The following AKT3 variants were observed in gnomAD, a reference collection of about 807,000 sequenced individuals.
The protein encoded by AKT3 is RAC-gamma serine/threonine-protein kinase.
A neutral mutation model predicts 65.3 loss-of-function variants in AKT3; 15 were observed. The observed-to-expected ratio is 0.23, with a 90% CI of 0.15 to 0.35. The LOEUF (loss-of-function observed/expected upper bound fraction) is 0.35. Among genes scored for constraint, AKT3 ranks in the 10% least tolerant of loss-of-function variants. The probability of loss-of-function intolerance (pLI) is 1.00; values close to 1 mark genes in which losing one functional copy is unlikely to be tolerated. For synonymous variants in AKT3, 206 were observed against 183.8 expected, an observed-to-expected ratio of 1.12 and a Z score of -0.98; for missense variants, 243 against 576.5, an observed-to-expected ratio of 0.42 and a Z score of 5.92.
chr1:243,744,634 G>A (rs1324418256), intron 2 of AKT3, among the ~76,000 whole-genome samples: 1 of 150,932 alleles, frequency 6.6e-6, no homozygotes, highest in African/African-American at 2.4e-5. Flanking sequence ...AGCTACTTGG[G>A]AGGCTGAGGC....
At chr1:243,491,700 C>T (rs1053690806) in intron 13 of AKT3, among the ~76,000 whole-genome samples, 28 of 152,216 alleles carry the variant, frequency 1.8e-4, no homozygotes, top group African/African-American at 4.3e-4. Flanking sequence ...ATGATGTGGG[C>T]GAGGCTGCTG....
In AKT3 at chr1:243,825,126, A is replaced by G. The variant is rs544183491; in HGVS notation, c.46+17999T>C. Among the ~76,000 whole-genome samples the G allele has an allele frequency of 2.0e-5, 3 of 152,342 alleles. No homozygotes were observed. The South Asian group carries it at 6.2e-4, about 32-fold the overall frequency. On this transcript the variant is annotated intron_variant, in intron 2 of 13. Coordinates refer to ENST00000673466, the MANE Select transcript of AKT3 (RefSeq NM_005465.7). The stretch of plus-strand genomic sequence containing the variant: ...AGGAGCATGGATGGAGCTGGAAGCC[A>G]TTATCCTCAGCAAACTAACACAGGA...
chr1:243,731,075 AG>A (rs1687531832), intron 2 of AKT3, among the ~76,000 whole-genome samples: 1 of 152,224 alleles, frequency 6.6e-6, no homozygotes. Context: ...AAACTCAAGC[AG>A]GGGCGCCACA....
intron 9 of AKT3, among the ~76,000 whole-genome samples, chr1:243,572,454 G>GA (rs1212559996): frequency 1.3e-5 from 2 of 151,880 alleles, no homozygotes; most frequent in African/African-American, 4.8e-5. Flanking sequence ...ATTACCAACA[G>GA]AAAAAATAGA....
intron 2 of AKT3, among the ~76,000 whole-genome samples, chr1:243,828,872 G>GT (rs1249016371): frequency 6.6e-6 from 1 of 152,124 alleles, no homozygotes; most frequent in East Asian, 1.9e-4. Flanking sequence ...TGGACAAGAA[G>GT]TAAGAATAGA....
At chr1:243,635,376 G>GA (rs1397877562) in intron 6 of AKT3, among the ~76,000 whole-genome samples, 6 of 150,188 alleles carry the variant, frequency 4.0e-5, no homozygotes, top group Non-Finnish European at 8.9e-5. Flanking sequence ...AAGGAACTAG[G>GA]AAAAAAATAA....
chr1:243,526,286 C>G (rs1574537859), intron 12 of AKT3, among the ~76,000 whole-genome samples: 1 of 152,106 alleles, frequency 6.6e-6, no homozygotes, highest in African/African-American at 2.4e-5. Flanking sequence ...ACCGCCTGAC[C>G]TTGCTGGTGT....
At chr1:243,641,263 T>TATATATAC in intron 5 of AKT3, among the ~76,000 whole-genome samples, 1 of 147,372 alleles carries the variant, frequency 6.8e-6, no homozygotes, top group African/African-American at 2.5e-5. Context: ...TGTGTGTATA[T>TATATATAC]ATATATATAT....
chr1:243,669,406 A>G (rs988238242), intron 3 of AKT3, among the ~76,000 whole-genome samples: 1 of 152,178 alleles, frequency 6.6e-6, no homozygotes, highest in Non-Finnish European at 1.5e-5. Context: ...GAAGCAAAGA[A>G]AGAATGCCCG....
At chr1:243,631,901 A>G (rs1679638736) in intron 6 of AKT3, among the ~76,000 whole-genome samples, 1 of 152,212 alleles carries the variant, frequency 6.6e-6, no homozygotes, top group Non-Finnish European at 1.5e-5. Flanking sequence ...GCCTGATAAA[A>G]TTTAGTCCTA....
At chr1:243,798,236 G>C (rs1011266103) in intron 2 of AKT3, among the ~76,000 whole-genome samples, 10 of 119,668 alleles carry the variant, frequency 8.4e-5, no homozygotes, top group Admixed American at 1.0e-4. Flanking sequence ...TTAAGACAGG[G>C]TCTCACTGTG....
At chr1:243,745,316 G>A (rs1396909180) in intron 2 of AKT3, among the ~76,000 whole-genome samples, 2 of 152,046 alleles carry the variant, frequency 1.3e-5, no homozygotes, top group East Asian at 1.9e-4. Flanking sequence ...CTCCAGCCTG[G>A]GCAACAGAGG....
At chr1:243,658,082 G>T (rs1681960143) in intron 4 of AKT3, among the ~76,000 whole-genome samples, 1 of 152,108 alleles carries the variant, frequency 6.6e-6, no homozygotes, top group Non-Finnish European at 1.5e-5. Context: ...ATTTCTTGAT[G>T]CTGACAAAAG....
intron 2 of AKT3, among the ~76,000 whole-genome samples, chr1:243,766,163 T>C (rs1052430585): frequency 6.6e-6 from 1 of 152,124 alleles, no homozygotes; most frequent in Non-Finnish European, 1.5e-5. Context: ...TGGTAGCAAA[T>C]AGAGCAAAGG....
chr1:243,596,335 G>A (rs943644339), intron 8 of AKT3, among the ~76,000 whole-genome samples: 2 of 152,164 alleles, frequency 1.3e-5, no homozygotes, highest in Admixed American at 6.5e-5. Flanking sequence ...GAAACCATTT[G>A]TAATACAAAT....
Position 243,491,124 on chromosome 1 carries a change from C to T in AKT3, c.*7-2674G>A, listed in dbSNP as rs1254647978. Among the ~76,000 whole-genome samples the T allele has an allele frequency of 5.9e-5, 9 of 152,234 alleles. No homozygotes were observed. In the South Asian group the frequency reaches 8.3e-4, roughly 14 times the overall value. On this transcript the variant is annotated intron_variant, in intron 13 of 13. Coordinates refer to the AKT3 transcript ENST00000336199. ...TGGGCTCTGGACTAGATCAGGAGAA[C>T]GTGGGCTTTGCCTTTTAACTCCCCA...
intron 12 of AKT3, among the ~76,000 whole-genome samples, chr1:243,527,936 C>CACAG (rs1671266313): frequency 1.6e-4 from 6 of 38,272 alleles, no homozygotes; most frequent in African/African-American, 3.9e-4. Flanking sequence ...CACACACACA[C>CACAG]AGAGAGAGAG....
intron 6 of AKT3, among the ~76,000 whole-genome samples, chr1:243,615,444 A>G (rs1458243328): frequency 6.6e-6 from 1 of 152,210 alleles, no homozygotes; most frequent in Non-Finnish European, 1.5e-5. Context: ...ATTATCAGGG[A>G]CACAGAAAAT....
At chr1:243,725,923 T>C (rs1290222581) in intron 2 of AKT3, among the ~76,000 whole-genome samples, 44 of 152,242 alleles carry the variant, frequency 2.9e-4, no homozygotes, top group Admixed American at 2.9e-3. Context: ...AAGGTGTTTA[T>C]ACACATTCAC....
Sources: allele counts gnomAD v4.1 joint callset (sites outside exome capture counted in the v4.1 genomes callset), GRCh38; gene constraint gnomAD v4.1.1; transcripts MANE v1.5; gene names NCBI Gene and HGNC (gene_info 2026-07-23, HGNC 2026-07-21).